Variants in DLG2 observed in about 807,000 individuals in gnomAD.
The protein encoded by DLG2 is discs large MAGUK scaffold protein 2, also known as disks large homolog 2.
Under a neutral mutation model 132.5 loss-of-function variants are expected in DLG2, and 45 were observed. The ratio of observed to expected loss-of-function variants is 0.34; its 90% confidence interval spans 0.27 to 0.44. The LOEUF is 0.44. Ranked by LOEUF, DLG2 falls within the 20% of genes least tolerant of loss-of-function variation. The pLI is 1.00. For synonymous variants in DLG2, 424 were observed against 419.6 expected (o/e 1.01, Z -0.13); for missense variants, 1,045 against 1,196.9 (o/e 0.87, Z 1.87).
At chr11:83,812,136 A>G (rs918206297) in intron 17 of DLG2, among the ~76,000 whole-genome samples, 9 of 152,086 alleles carry the variant, frequency 5.9e-5, no homozygotes, top group African/African-American at 1.7e-4. Flanking sequence ...GCCACATGTC[A>G]TGCTGCCACC....
chr11:84,530,488 A>T (rs1455232663), intron 7 of DLG2, among the ~76,000 whole-genome samples: 1 of 152,256 alleles, frequency 6.6e-6, no homozygotes, highest in African/African-American at 2.4e-5. Context: ...ACTTTTCAAA[A>T]GAAGATATAT....
intron 3 of DLG2, among the ~76,000 whole-genome samples, chr11:85,386,595 T>C (rs758735501): frequency 2.0e-5 from 3 of 152,168 alleles, no homozygotes; most frequent in Non-Finnish European, 4.4e-5. Flanking sequence ...TAGATTTTTA[T>C]ATGATAATTA....
At chr11:84,019,538 C>T (rs2095326836) in intron 11 of DLG2, among the ~76,000 whole-genome samples, 1 of 151,900 alleles carries the variant, frequency 6.6e-6, no homozygotes, top group Non-Finnish European at 1.5e-5. Context: ...ATCTTGTTCT[C>T]CCAAAAGATG....
chr11:83,777,501 C>T (rs991968275), intron 18 of DLG2, among the ~76,000 whole-genome samples: 1 of 152,116 alleles, frequency 6.6e-6, no homozygotes, highest in African/African-American at 2.4e-5. Flanking sequence ...TTTTACATTA[C>T]TTTCCTTCAG....
chr11:83,560,964 T>G (rs1040109391), intron 19 of DLG2, among the ~76,000 whole-genome samples: 3 of 151,348 alleles, frequency 2.0e-5, no homozygotes, highest in African/African-American at 4.9e-5. Context: ...GAAAGCATGA[T>G]GCTGGCATCT....
chr11:85,107,286 G>A (rs978627384), intron 6 of DLG2, among the ~76,000 whole-genome samples: 2 of 151,926 alleles, frequency 1.3e-5, no homozygotes, highest in Non-Finnish European at 2.9e-5. Flanking sequence ...AAGAATTTTT[G>A]TAGCCAAATC....
At chr11:85,601,261 A>C (rs914069071) in intron 2 of DLG2, among the ~76,000 whole-genome samples, 10 of 150,520 alleles carry the variant, frequency 6.6e-5, no homozygotes, top group African/African-American at 2.5e-4. Context: ...TCCTGCCTTG[A>C]CCTCCCAAAG....
At chr11:83,517,920 A>C (rs1433732883) in intron 21 of DLG2, among the ~76,000 whole-genome samples, 1 of 152,184 alleles carries the variant, frequency 6.6e-6, no homozygotes, top group Non-Finnish European at 1.5e-5. Context: ...GTGAGGTGTC[A>C]GTCTGCCCTT....
At chr11:84,899,000 G>A (rs1188402002) in intron 6 of DLG2, among the ~76,000 whole-genome samples, 1 of 151,986 alleles carries the variant, frequency 6.6e-6, no homozygotes, top group Non-Finnish European at 1.5e-5. Flanking sequence ...TGTATTCCCA[G>A]TGCTTGTGCA....
chr11:84,600,804 T>C (rs1565423131), intron 6 of DLG2, among the ~76,000 whole-genome samples: 1 of 152,172 alleles, frequency 6.6e-6, no homozygotes, highest in African/African-American at 2.4e-5. Flanking sequence ...GAAATGAAAC[T>C]ATGAATTATC....
At chr11:84,901,880 T>G (rs2090932485) in intron 6 of DLG2, among the ~76,000 whole-genome samples, 1 of 152,092 alleles carries the variant, frequency 6.6e-6, no homozygotes, top group Admixed American at 6.6e-5. Context: ...AAACATTTTC[T>G]TAGTGTTGAA....
intron 7 of DLG2, among the ~76,000 whole-genome samples, chr11:84,508,663 G>C (rs1282162774): frequency 6.6e-6 from 1 of 152,114 alleles, no homozygotes; most frequent in Admixed American, 6.5e-5. Context: ...GCCTCCCAAA[G>C]TGCTGGGATT....
chr11:85,489,675 T>C (rs2093513111), intron 3 of DLG2, among the ~76,000 whole-genome samples: 1 of 152,162 alleles, frequency 6.6e-6, no homozygotes, highest in Non-Finnish European at 1.5e-5. Context: ...CAACAAATGT[T>C]TAAAAATCAT....
intron 6 of DLG2, among the ~76,000 whole-genome samples, chr11:84,554,194 A>G (rs1363055987): frequency 1.3e-5 from 2 of 152,116 alleles, no homozygotes; most frequent in African/African-American, 4.8e-5. Flanking sequence ...TCATCCTTTT[A>G]TCTAAACTAT....
intron 18 of DLG2, among the ~76,000 whole-genome samples, chr11:83,700,558 G>T (rs1324039421): frequency 1.3e-5 from 2 of 152,180 alleles, no homozygotes; most frequent in Non-Finnish European, 2.9e-5. Context: ...ATCGATCCAT[G>T]ACTCTGAGAA....
At chr11:84,775,876 G>A (rs1444637036) in intron 6 of DLG2, among the ~76,000 whole-genome samples, 2 of 152,224 alleles carry the variant, frequency 1.3e-5, no homozygotes, top group East Asian at 1.9e-4. Flanking sequence ...CCATGTACCC[G>A]CAGAATCTAA....
intron 5 of DLG2, among the ~76,000 whole-genome samples, chr11:85,142,428 AATTT>A (rs1322181420): frequency 6.6e-6 from 1 of 151,678 alleles, no homozygotes; most frequent in Non-Finnish European, 1.5e-5. Flanking sequence ...AATTGTATTG[AATTT>A]ATTCTTCAGT....
chr11:84,929,524 T>G (rs916511909), intron 6 of DLG2, among the ~76,000 whole-genome samples: 2 of 152,212 alleles, frequency 1.3e-5, no homozygotes, highest in African/African-American at 4.8e-5. Flanking sequence ...TATAGACAGA[T>G]GCAGGTATAT....
intron 4 of DLG2, among the ~76,000 whole-genome samples, chr11:85,247,408 A>T (rs538942607): frequency 7.9e-5 from 12 of 152,054 alleles, no homozygotes; most frequent in Admixed American, 6.6e-4. Flanking sequence ...TCTTTATTCA[A>T]TTGTCATCTT....
Sources: gnomAD v4.1 joint callset for allele counts (sites outside exome capture counted in the v4.1 genomes callset) on GRCh38, gnomAD v4.1.1 for gene constraint, MANE v1.5 for transcripts, NCBI Gene and HGNC (gene_info 2026-07-23, HGNC 2026-07-21) for gene names.